Variants in MYO3A observed in about 807,000 individuals in gnomAD.
MYO3A encodes myosin-IIIa.
MYO3A carries 180 observed loss-of-function variants against 192.7 expected under a neutral mutation model. The observed-to-expected ratio is 0.93, with a 90% confidence interval of 0.83 to 1.06. MYO3A has a LOEUF of 1.06. Among genes scored for constraint, MYO3A ranks in the 50% least tolerant of loss-of-function variants. The pLI is 0.00. For missense variants in MYO3A, 1,896 were observed against 1,905.0 expected, an observed-to-expected ratio of 1.00 and a Z score of 0.09; for synonymous variants, 628 against 645.3, an observed-to-expected ratio of 0.97 and a Z score of 0.41.
intron 20 of MYO3A, 57 bp downstream of exon 20, chr10:26,128,595 G>C: frequency 6.6e-7 from 1 of 1,525,914 alleles, no homozygotes; most frequent in Non-Finnish European, 9.0e-7. Context: ...AGGCAGACTT[G>C]TACAAATGAA....
At chr10:26,007,892 C>T (rs1841339715) in intron 6 of MYO3A, among the ~76,000 whole-genome samples, 2 of 152,098 alleles carry the variant, frequency 1.3e-5, no homozygotes, top group Admixed American at 6.5e-5. Flanking sequence ...CTTTACAGTT[C>T]ATATGGCACC....
rs1180199571 is a variant in MYO3A, at chr10:26,023,968, T to C, written c.732-54T>C. On this transcript the variant is annotated intron_variant, in intron 8 of 34. Transcript: ENST00000642920. Reference sequence around the variant, plus strand: ...TTAGTCTATCTGGCTCTGCCTCTCATTTTACACTGACTGACCAATATACAG... The same window carrying C: ...TTAGTCTATCTGGCTCTGCCTCTCACTTTACACTGACTGACCAATATACAG... 2.0e-6 allele frequency: 3 copies of C among 1,520,162 alleles called. No individual in the cohort carries two copies. In the African/African-American group the frequency reaches 4.1e-5, roughly 21 times the overall value. The allele number at this position is 1,520,162 out of a possible 1,614,324, so 94.2% of individuals were successfully genotyped here.
At chr10:26,023,459 A>G (rs954761998) in intron 8 of MYO3A, 2 of 153,406 alleles carry the variant, frequency 1.3e-5, no homozygotes, top group Admixed American at 1.3e-4. Flanking sequence ...ACTGAAAGGA[A>G]TTAATAAAAT....
At chr10:26,044,868 A>G (rs1277088130) in intron 10 of MYO3A, among the ~76,000 whole-genome samples, 2 of 152,240 alleles carry the variant, frequency 1.3e-5, no homozygotes, top group Admixed American at 6.5e-5. Flanking sequence ...TTAGCACATA[A>G]CATATAGAAT....
rs749039353 is a variant in MYO3A, at chr10:26,063,526, CA to C, written c.954-3447del. On this transcript the variant is annotated intron_variant, in intron 10 of 34. Transcript: ENST00000642920. ...TCACTTTTTTTTGCATGTGAATGTCCAATTGTTCCAGCACCATATGTTGAAA... is the reference window on the plus strand; with the variant it reads ...TCACTTTTTTTTGCATGTGAATGTCCATTGTTCCAGCACCATATGTTGAAA... Among the ~76,000 whole-genome samples the C allele has an allele frequency of 9.2e-5, 14 of 152,026 alleles. 1 individual carries two copies. Among genetic ancestry groups the C allele is most frequent in the Non-Finnish European group, 1.8e-4 (12 of 68,008 alleles).
At chr10:26,164,792 G>A (rs1365116040) in intron 26 of MYO3A, among the ~76,000 whole-genome samples, 1 of 152,154 alleles carries the variant, frequency 6.6e-6, no homozygotes, top group Non-Finnish European at 1.5e-5. Context: ...GGAAAGGTGC[G>A]GGGGCTGCCT....
At chr10:26,091,758 T>A (rs1836715120) in intron 15 of MYO3A, among the ~76,000 whole-genome samples, 1 of 152,248 alleles carries the variant, frequency 6.6e-6, no homozygotes, top group Admixed American at 6.5e-5. Context: ...AGAATTTTAA[T>A]AAGTTGCTTA....
chr10:26,105,878 C>T (rs1837768763), intron 17 of MYO3A, among the ~76,000 whole-genome samples: 1 of 151,902 alleles, frequency 6.6e-6, no homozygotes, highest in African/African-American at 2.4e-5. Context: ...GATGGAGCAC[C>T]ACTTTTCTTT....
chr10:26,089,097 G>A (rs1836524462), intron 15 of MYO3A, among the ~76,000 whole-genome samples: 1 of 151,996 alleles, frequency 6.6e-6, no homozygotes, highest in African/African-American at 2.4e-5. Flanking sequence ...TTCTTATGTT[G>A]GTTTTATGCT....
chr10:26,165,461 T>G (rs752774823), intron 26 of MYO3A, among the ~76,000 whole-genome samples: 7 of 152,244 alleles, frequency 4.6e-5, no homozygotes, highest in Non-Finnish European at 7.3e-5. Context: ...CCTTGTGATT[T>G]AACCTGAGGA....
chr10:26,057,935 C>T (rs1260700965), intron 10 of MYO3A, among the ~76,000 whole-genome samples: 1 of 143,470 alleles, frequency 7.0e-6, no homozygotes, highest in Non-Finnish European at 1.6e-5. Context: ...CTGTCAACAT[C>T]CCACACCACA....
chr10:26,032,627 A>AAACAAAAAAAAAACC (rs1215821624), intron 10 of MYO3A, among the ~76,000 whole-genome samples: 72 of 152,112 alleles, frequency 4.7e-4, no homozygotes, highest in African/African-American at 1.7e-3. Context: ...AAAAACAAAA[A>AAACAAAAAAAAAACC]AACAAAAAAA....
intron 4 of MYO3A, among the ~76,000 whole-genome samples, chr10:25,984,645 T>C (rs1839536629): frequency 6.6e-6 from 1 of 152,292 alleles, no homozygotes; most frequent in Non-Finnish European, 1.5e-5. Flanking sequence ...TCCACGTGTG[T>C]CTGTGTCCTG....
intron 14 of MYO3A, among the ~76,000 whole-genome samples, chr10:26,086,722 C>G (rs1223052286): frequency 6.6e-6 from 1 of 152,036 alleles, no homozygotes; most frequent in Non-Finnish European, 1.5e-5. Context: ...AAGTATCATT[C>G]TAAAAGGTTT....
chr10:26,006,401 A>G (rs967734399), intron 6 of MYO3A, among the ~76,000 whole-genome samples: 8 of 152,222 alleles, frequency 5.3e-5, no homozygotes, highest in South Asian at 4.1e-4. Context: ...TGAAGAAAAT[A>G]GAGACACAAA....
intron 20 of MYO3A, 113 bp from the exon 21 acceptor site, chr10:26,143,335 A>T (rs982929917): frequency 8.6e-7 from 1 of 1,157,114 alleles, no homozygotes. Flanking sequence ...CGTCACAAAA[A>T]AAGCAAGGTC....
chr10:26,159,784 A>C (rs1357221553), intron 26 of MYO3A, among the ~76,000 whole-genome samples: 1 of 152,180 alleles, frequency 6.6e-6, no homozygotes, highest in African/African-American at 2.4e-5. Context: ...ACATAAACAT[A>C]TGACTTTTGT....
chr10:25,994,155 T>TA (rs979096911), intron 4 of MYO3A, among the ~76,000 whole-genome samples: 1 of 152,208 alleles, frequency 6.6e-6, no homozygotes, highest in African/African-American at 2.4e-5. Context: ...TCTAAGTCTC[T>TA]TTGTAGGTCT....
At position 25,971,467 on chromosome 10, in the gene MYO3A, A is replaced by G. The variant is rs192998593; in HGVS notation, c.303+16459A>G. 3.3e-4 allele frequency among the ~76,000 whole-genome samples: 40 copies of G among 122,394 alleles called. 1 individual carries two copies. The East Asian group carries it at 8.9e-3, about 27-fold the overall frequency. The allele number at this position is 122,394 out of a possible 152,430, so 80.3% of individuals were successfully genotyped here. On this transcript the variant is annotated intron_variant, in intron 4 of 34. Coordinates refer to ENST00000642920, the MANE Select transcript of MYO3A (RefSeq NM_017433.5). ...TCTTTGTTTTCTTGTGTAGATCCAG[A>G]TCACTATGTGAGATCACTTACTTTC...
Sources: gnomAD v4.1 joint callset for allele counts (sites outside exome capture counted in the v4.1 genomes callset) on GRCh38, gnomAD v4.1.1 for gene constraint, MANE v1.5 for transcripts, NCBI Gene and HGNC (gene_info 2026-07-23, HGNC 2026-07-21) for gene names.